The following GALNT14 variants were observed in gnomAD, a reference collection of about 807,000 sequenced individuals.
GALNT14 encodes UDP-GalNAc:polypeptide N-acetylgalactosaminyltransferase 14.
A neutral mutation model predicts 77.5 loss-of-function variants in GALNT14; 60 were observed. That is an observed-to-expected ratio of 0.77 (90% CI 0.63 to 0.96). The LOEUF is 0.96. Among genes scored for constraint, GALNT14 ranks in the 40% least tolerant of loss-of-function variants. The probability of loss-of-function intolerance (pLI) is 0.00; values close to 1 mark genes in which losing one functional copy is unlikely to be tolerated. For synonymous variants in GALNT14, 280 were observed against 281.7 expected, an observed-to-expected ratio of 0.99 and a Z score of 0.06; for missense variants, 710 against 731.0, an observed-to-expected ratio of 0.97 and a Z score of 0.33.
intron 1 of GALNT14, among the ~76,000 whole-genome samples, chr2:31,019,997 G>A (rs1453381640): frequency 3.9e-5 from 6 of 152,142 alleles, no homozygotes; most frequent in South Asian, 2.1e-4. Context: ...TGTGAAAGCC[G>A]ATTACATGCT....
rs141326080 is a variant in GALNT14, at chr2:31,019,223, C to T, written c.130-26216G>A. Among the ~76,000 whole-genome samples, 9 of 152,274 alleles carry T rather than the reference C, an allele frequency of 5.9e-5. No homozygotes were observed. The East Asian group carries it at 1.7e-3, about 29-fold the overall frequency. On this transcript the variant is annotated intron_variant, in intron 1 of 14. Coordinates refer to ENST00000349752, the MANE Select transcript of GALNT14 (RefSeq NM_024572.4). ...TCTCAGAGAGGACAGAACTGCGATGCCTCCACTCAGCCCTTCTGCTGACAC... is the reference window on the plus strand; with the variant it reads ...TCTCAGAGAGGACAGAACTGCGATGTCTCCACTCAGCCCTTCTGCTGACAC...
chr2:31,068,490 A>G (rs1338059283), intron 1 of GALNT14, among the ~76,000 whole-genome samples: 1 of 145,156 alleles, frequency 6.9e-6, no homozygotes, highest in African/African-American at 2.6e-5. Context: ...GCTGGGTGAC[A>G]AAGCAAGACC....
intron 2 of GALNT14, 33 bp downstream of exon 2, chr2:30,992,805 C>A (rs749914136): frequency 5.6e-5 from 90 of 1,604,374 alleles, no homozygotes; most frequent in Non-Finnish European, 7.7e-6. Flanking sequence ...CTTTTGACTG[C>A]GGGGGTAACA....
At chr2:30,944,366 A>C (rs1666560582) in intron 8 of GALNT14, among the ~76,000 whole-genome samples, 1 of 152,210 alleles carries the variant, frequency 6.6e-6, no homozygotes. Flanking sequence ...GCAAAGAGCC[A>C]GAGTTCATGC....
intron 3 of GALNT14, among the ~76,000 whole-genome samples, chr2:30,961,375 G>A (rs1667682379): frequency 6.6e-6 from 1 of 152,136 alleles, no homozygotes; most frequent in African/African-American, 2.4e-5. Context: ...AGTCATTCTG[G>A]AGTGAGACTA....
chr2:31,083,952 G>A (rs1025806488), intron 1 of GALNT14, among the ~76,000 whole-genome samples: 3 of 152,192 alleles, frequency 2.0e-5, no homozygotes, highest in Non-Finnish European at 4.4e-5. Flanking sequence ...AGCTGCCGGG[G>A]ATCTCGCGGT....
At chr2:31,108,761 G>C (rs944196625) in intron 1 of GALNT14, among the ~76,000 whole-genome samples, 1 of 152,230 alleles carries the variant, frequency 6.6e-6, no homozygotes, top group African/African-American at 2.4e-5. Flanking sequence ...TGTGATGGCT[G>C]TCATGGCTGG....
chr2:31,125,204 T>C (rs1678645478), intron 1 of GALNT14: 1 of 1,550,554 alleles, frequency 6.4e-7, no homozygotes, highest in Non-Finnish European at 8.7e-7. Flanking sequence ...TACAGGCACC[T>C]GAGGCGCCCA....
At chr2:30,970,485 A>G (rs762013455) in intron 2 of GALNT14, among the ~76,000 whole-genome samples, 12 of 152,174 alleles carry the variant, frequency 7.9e-5, no homozygotes, top group South Asian at 2.1e-4. Context: ...TAGAATTGCT[A>G]TCATCACGCC....
chr2:31,071,765 T>C (rs999659568), intron 1 of GALNT14, among the ~76,000 whole-genome samples: 6 of 152,208 alleles, frequency 3.9e-5, no homozygotes, highest in African/African-American at 1.4e-4. Context: ...GACCCAACAG[T>C]GGGTTTCTGG....
At chr2:31,010,327 T>C (rs66553925) in intron 1 of GALNT14, among the ~76,000 whole-genome samples, 41,870 of 152,066 alleles carry the variant, frequency 0.28, 6,141 homozygotes, top group East Asian at 0.4. Flanking sequence ...TGGCTGGGCG[T>C]GGTAGCTCAT....
At chr2:31,031,095 C>A (rs895183146) in intron 1 of GALNT14, among the ~76,000 whole-genome samples, 1 of 152,170 alleles carries the variant, frequency 6.6e-6, no homozygotes, top group African/African-American at 2.4e-5. Context: ...TGGCGATCAC[C>A]ATGTGCTCAG....
At chr2:31,038,893 G>A (rs767026308) in intron 1 of GALNT14, among the ~76,000 whole-genome samples, 1 of 151,836 alleles carries the variant, frequency 6.6e-6, no homozygotes, top group Non-Finnish European at 1.5e-5. Flanking sequence ...CTACAGATGT[G>A]TGCCACTATG....
chr2:31,095,685 C>T (rs796424022), intron 1 of GALNT14, among the ~76,000 whole-genome samples: 5 of 152,240 alleles, frequency 3.3e-5, no homozygotes, highest in African/African-American at 1.2e-4. Context: ...AGGCTATTCC[C>T]ATAGAATGGT....
intron 10 of GALNT14, 124 bp downstream of exon 10, chr2:30,931,944 G>T (rs532280554): frequency 3.0e-6 from 3 of 987,828 alleles, no homozygotes; most frequent in East Asian, 6.5e-5. Context: ...GTGCAGCCCC[G>T]GCCAGTTCAA....
chr2:31,039,389 T>C (rs937120770), intron 1 of GALNT14, among the ~76,000 whole-genome samples: 4 of 152,218 alleles, frequency 2.6e-5, no homozygotes, highest in Non-Finnish European at 5.9e-5. Flanking sequence ...ACCATTGAGG[T>C]AGATAATACT....
intron 1 of GALNT14, among the ~76,000 whole-genome samples, chr2:31,064,729 A>T (rs996688696): frequency 6.6e-6 from 1 of 151,998 alleles, no homozygotes; most frequent in Non-Finnish European, 1.5e-5. Flanking sequence ...CTCACCATCC[A>T]AACACCACTA....
At chr2:30,956,738 C>T (rs1264986432) in intron 4 of GALNT14, among the ~76,000 whole-genome samples, 1 of 152,120 alleles carries the variant, frequency 6.6e-6, no homozygotes, top group African/African-American at 2.4e-5. Context: ...AACTCCTGAC[C>T]TCAGATGATC....
intron 1 of GALNT14, among the ~76,000 whole-genome samples, chr2:30,993,916 C>T (rs1253028294): frequency 1.3e-5 from 2 of 152,160 alleles, no homozygotes; most frequent in African/African-American, 2.4e-5. Flanking sequence ...GCCCTGCCCA[C>T]ACCGGTTCCA....
Sources: gnomAD v4.1 joint callset for allele counts (sites outside exome capture counted in the v4.1 genomes callset) on GRCh38, gnomAD v4.1.1 for gene constraint, MANE v1.5 for transcripts, NCBI Gene and HGNC (gene_info 2026-07-23, HGNC 2026-07-21) for gene names.